The following KCNT2 variants were observed in gnomAD, a reference collection of about 807,000 sequenced individuals.
KCNT2 encodes potassium channel subfamily T member 2.
KCNT2 carries 67 observed loss-of-function variants against 153.8 expected under a neutral mutation model. The observed-to-expected ratio is 0.44, with a 90% CI of 0.36 to 0.53. The LOEUF is 0.53. Among genes scored for constraint, KCNT2 ranks in the 20% least tolerant of loss-of-function variants. KCNT2 has a pLI of 0.00. For missense variants in KCNT2, 975 were observed against 1,354.8 expected, an observed-to-expected ratio of 0.72 and a Z score of 4.40; for synonymous variants, 500 against 458.8, an observed-to-expected ratio of 1.09 and a Z score of -1.15.
At chr1:196,429,152 T>A (rs1331727609) in intron 9 of KCNT2, among the ~76,000 whole-genome samples, 1 of 151,988 alleles carries the variant, frequency 6.6e-6, no homozygotes, top group Non-Finnish European at 1.5e-5. Context: ...CCAGATTTTA[T>A]TTGACAAACA....
chr1:196,341,323 A>C (rs1424761876), intron 15 of KCNT2, among the ~76,000 whole-genome samples: 1 of 152,002 alleles, frequency 6.6e-6, no homozygotes, highest in African/African-American at 2.4e-5. Context: ...TAATTTATTG[A>C]ATATTCTACT....
At chr1:196,316,763 A>G (rs189035349) in intron 20 of KCNT2, among the ~76,000 whole-genome samples, 5 of 151,810 alleles carry the variant, frequency 3.3e-5, no homozygotes, top group Non-Finnish European at 7.4e-5. Context: ...CTTACCTATC[A>G]TTCTCCCAAT....
intron 25 of KCNT2, among the ~76,000 whole-genome samples, chr1:196,261,462 C>T (rs1330373103): frequency 2.0e-5 from 3 of 151,498 alleles, no homozygotes; most frequent in Non-Finnish European, 3.0e-5. Flanking sequence ...TAGAAAACAC[C>T]CAATAAATAT....
At chr1:196,475,922 G>A (rs1379912307) in intron 5 of KCNT2, among the ~76,000 whole-genome samples, 1 of 152,054 alleles carries the variant, frequency 6.6e-6, no homozygotes, top group African/African-American at 2.4e-5. Context: ...TGTTTATGAG[G>A]GTTGAAATGG....
intron 16 of KCNT2, among the ~76,000 whole-genome samples, chr1:196,339,542 G>GAGAC (rs1461919578): frequency 2.6e-5 from 4 of 151,570 alleles, no homozygotes; most frequent in Non-Finnish European, 5.9e-5. Context: ...GAGAGAGAGA[G>GAGAC]AGAGAGAGAG....
At chr1:196,293,489 C>A (rs1005535897) in intron 22 of KCNT2, among the ~76,000 whole-genome samples, 2 of 152,090 alleles carry the variant, frequency 1.3e-5, no homozygotes. Context: ...AAGAGCCCAG[C>A]AATAAACCCA....
At chr1:196,417,365 C>T (rs1026408283) in intron 12 of KCNT2, among the ~76,000 whole-genome samples, 1 of 151,996 alleles carries the variant, frequency 6.6e-6, no homozygotes, top group African/African-American at 2.4e-5. Context: ...TTCTAACTCA[C>T]ACTTAATTAA....
intron 4 of KCNT2, among the ~76,000 whole-genome samples, chr1:196,480,746 C>T (rs1172427043): frequency 2.0e-5 from 3 of 150,606 alleles, no homozygotes; most frequent in African/African-American, 7.3e-5. Context: ...GTCCCAGCTA[C>T]TCCGGAGGCT....
At chr1:196,482,770 A>C (rs1313129350) in intron 3 of KCNT2, among the ~76,000 whole-genome samples, 1 of 152,118 alleles carries the variant, frequency 6.6e-6, no homozygotes, top group Non-Finnish European at 1.5e-5. Flanking sequence ...ACAACAGTAT[A>C]AATAACCAGA....
At chr1:196,311,219 C>T (rs1380434347) in intron 21 of KCNT2, among the ~76,000 whole-genome samples, 2 of 151,704 alleles carry the variant, frequency 1.3e-5, no homozygotes, top group Non-Finnish European at 2.9e-5. Context: ...GGCTTAATAC[C>T]TTCTCTGTTA....
At chr1:196,317,210 G>GA (rs1662814333) in intron 20 of KCNT2, 4 of 450,654 alleles carry the variant, frequency 8.9e-6, no homozygotes, top group South Asian at 6.3e-5. Context: ...GAGTAGTCCA[G>GA]AAAAAATATT....
intron 1 of KCNT2, among the ~76,000 whole-genome samples, chr1:196,529,362 G>A (rs777196001): frequency 1.3e-5 from 2 of 151,886 alleles, no homozygotes; most frequent in African/African-American, 2.4e-5. Context: ...TCATCATTTC[G>A]ACCCCTTGAT....
chr1:196,378,938 G>C (rs1669217245), intron 13 of KCNT2, among the ~76,000 whole-genome samples: 3 of 148,634 alleles, frequency 2.0e-5, no homozygotes, highest in Admixed American at 6.8e-5. Flanking sequence ...TTTAGTAATA[G>C]ACGCTCTTAT....
chr1:196,259,974 G>T (rs918651208), intron 25 of KCNT2, among the ~76,000 whole-genome samples: 1 of 151,714 alleles, frequency 6.6e-6, no homozygotes, highest in Non-Finnish European at 1.5e-5. Flanking sequence ...TTCTGTGGAA[G>T]TAAAACACAT....
intron 1 of KCNT2, among the ~76,000 whole-genome samples, chr1:196,553,428 A>C (rs908086904): frequency 2.0e-5 from 3 of 151,096 alleles, no homozygotes; most frequent in African/African-American, 7.3e-5. Context: ...TCAATAAAGA[A>C]ACATAGGACT....
At chr1:196,326,969 T>C in intron 18 of KCNT2, 80 bp from the exon 19 acceptor site, 1 of 764,982 alleles carries the variant, frequency 1.3e-6, no homozygotes, top group South Asian at 1.8e-5. Flanking sequence ...TATAGGAAAA[T>C]GTAAAATTAA....
At chr1:196,509,724 A>G (rs1296456003) in intron 1 of KCNT2, among the ~76,000 whole-genome samples, 1 of 152,166 alleles carries the variant, frequency 6.6e-6, no homozygotes, top group South Asian at 2.1e-4. Context: ...GTATATTTTT[A>G]ATAAGTTAAT....
At chr1:196,527,268 TA>T (rs1308316131) in intron 1 of KCNT2, among the ~76,000 whole-genome samples, 2 of 152,132 alleles carry the variant, frequency 1.3e-5, no homozygotes, top group Non-Finnish European at 2.9e-5. Context: ...CATTTTAATG[TA>T]AAAAGATGTA....
intron 26 of KCNT2, among the ~76,000 whole-genome samples, chr1:196,240,215 C>T (rs1654827464): frequency 6.6e-6 from 1 of 151,892 alleles, no homozygotes; most frequent in African/African-American, 2.4e-5. Context: ...ATCCAGACTG[C>T]TTGCTTTGAA....
Sources: allele counts gnomAD v4.1 joint callset (sites outside exome capture counted in the v4.1 genomes callset), GRCh38; gene constraint gnomAD v4.1.1; transcripts MANE v1.5; gene names NCBI Gene and HGNC (gene_info 2026-07-23, HGNC 2026-07-21).